The following DEDD2 variants were observed in gnomAD, a reference collection of about 807,000 sequenced individuals.
DEDD2 encodes DNA-binding death effector domain-containing protein 2.
In DEDD2, 18 loss-of-function variants were observed where a neutral mutation model predicts 28.9. The observed-to-expected ratio is 0.62, with a 90% CI of 0.43 to 0.92. DEDD2 has a LOEUF of 0.92. DEDD2 is among the 40% of genes least tolerant of loss of function. The pLI is 0.00. For missense variants in DEDD2, 411 were observed against 463.3 expected (o/e 0.89, Z 1.04); for synonymous variants, 211 against 206.1 (o/e 1.02, Z -0.20).
chr19:42,215,224 G>A lies in DEDD2; in HGVS notation c.357C>T (p.Thr119=). The A allele has an allele frequency of 1.2e-6, 2 of 1,613,652 alleles. No individual in the cohort carries two copies. Among genetic ancestry groups the A allele is most frequent in the African/African-American group, 1.3e-5 (1 of 75,010 alleles). Residue 119 remains threonine, a synonymous_variant, in exon 3 of 5, where the codon ACC becomes ACT. Coordinates refer to ENST00000596251, the MANE Select transcript of DEDD2 (RefSeq NM_133328.4). The stretch of plus-strand genomic sequence containing the variant: ...CCTCTGTCCTCTTTGAAGAGCTGGA[G>A]GTGCCATAGCTATAGCGTTCTGGAG... The part of the protein sequence containing the change: ...PVSPERYSYG[T]SSSSKRTEGS...
In DEDD2 at chr19:42,199,097, G is replaced by C; in HGVS notation, c.*341C>G. The C allele has an allele frequency of 3.1e-6, 1 of 319,246 alleles. No homozygotes were observed. Among genetic ancestry groups the C allele is most frequent in the South Asian group, 4.6e-5 (1 of 21,506 alleles). The allele number at this position is 319,246 out of a possible 1,614,324, so 19.8% of individuals were successfully genotyped here. A position where few individuals can be genotyped will look rare whatever the true frequency, so the allele number is the denominator to read the frequency against. ...TGAGCGAGTGTGTGCACCTGTGACA[G>C]TGCAGACAGCCCAAGATCAGAGATA... On this transcript the variant is annotated 3_prime_UTR_variant, in exon 5 of 5. Coordinates refer to ENST00000596251, the MANE Select transcript of DEDD2 (RefSeq NM_133328.4). The surrounding 1 kb of genome is among the most constrained non-coding windows in gnomAD (Gnocchi z 7.4).
Position 42,199,598 on chromosome 19 carries a change from G to A in DEDD2, c.821C>T (p.Ala274Val). ...GDYLSGALLQ[A>V]LRGVFLTEAL... ...CTCAGTCAGGAACACGCCCCGCAGG[G>A]CCTGCAGCAGGGCGCCACTCAGGTA... The change falls in exon 5 of 5, where the codon GCC (alanine) becomes GTC (valine). Residue 274 changes from alanine (A) to valine (V), a missense_variant. Ala to Val is a moderately conservative substitution (Grantham distance 64, BLOSUM62 0). This residue lies in a region of DEDD2 where 129 missense variants were observed against 189.9 expected (regional missense o/e 0.68). Transcript: ENST00000596251. This position sits in a 1 kb window ranked among gnomAD's most constrained non-coding sequence, Gnocchi z 7.4. The A allele has an allele frequency of 6.2e-7, 1 of 1,614,110 alleles. No homozygotes were observed. The highest frequency in any genetic ancestry group is 8.5e-7 in the Non-Finnish European group (1 of 1,179,984).
intron 2 of DEDD2, among the ~76,000 whole-genome samples, chr19:42,215,624 T>C (rs780439394): frequency 6.6e-5 from 10 of 152,262 alleles, no homozygotes; most frequent in East Asian, 5.8e-4. Context: ...TCTTCAGACA[T>C]AGATATCCAA....
Position 42,216,979 on chromosome 19 carries a change from G to A in DEDD2, c.29C>T (p.Pro10Leu), listed in dbSNP as rs777384697. MALSGSTPA[P>L]CWEEDECLDY... ...CAGGCACTCATCCTCCTCCCAGCACGGGGCCGGGGTCGACCCGGATAGCGC... is the reference window on the plus strand; with the variant it reads ...CAGGCACTCATCCTCCTCCCAGCACAGGGCCGGGGTCGACCCGGATAGCGC... Residue 10 changes from proline to leucine, a missense_variant, in exon 2 of 5, where the codon CCG becomes CTG. This residue lies in a region of DEDD2 where 282 missense variants were observed against 273.4 expected (regional missense o/e 1.03). Transcript: ENST00000596251. The A allele has an allele frequency of 1.3e-6, 2 of 1,597,614 alleles. No homozygotes were observed. Among genetic ancestry groups the A allele is most frequent in the East Asian group, 2.3e-5 (1 of 43,674 alleles).
At chr19:42,213,863 CCA>C (rs1452341126) in intron 3 of DEDD2, among the ~76,000 whole-genome samples, 1 of 152,098 alleles carries the variant, frequency 6.6e-6, no homozygotes, top group Non-Finnish European at 1.5e-5. Flanking sequence ...CTGAACGGTC[CCA>C]CAGTCTGGGG....
chr19:42,215,301 T>TA (rs779636914), intron 2 of DEDD2, 49 bp from the exon 3 acceptor site: 1 of 1,603,982 alleles, frequency 6.2e-7, no homozygotes, highest in South Asian at 1.1e-5. Flanking sequence ...CTGGCCCTAA[T>TA]TCCCACCCCT....
rs757478419 is a variant in DEDD2 at position 42,209,814 on chromosome 19, G to A, written c.475C>T (p.Arg159Trp). 48 of 1,555,252 alleles carry A rather than the reference G, an allele frequency of 3.1e-5. No homozygotes were observed. The highest frequency in any genetic ancestry group is 8.1e-5 in the Admixed American group (4 of 49,316). ...TGSPPTKRQR[R>W]SRGRPSGGAR... ...CCACCACTGGGCCGGCCCCGACTCC[G>A]CCGCTGCCGCTTGGTTGGGGGGGAG... is the stretch of plus-strand genomic sequence containing the variant. Residue 159 changes from arginine (R) to tryptophan (W), a missense_variant, in exon 4 of 5, where the codon CGG becomes TGG. This residue lies in a region of DEDD2 where 282 missense variants were observed against 273.4 expected (regional missense o/e 1.03). Coordinates refer to ENST00000596251, the MANE Select transcript of DEDD2 (RefSeq NM_133328.4).
At chr19:42,205,552 G>A (rs916262427) in intron 4 of DEDD2, among the ~76,000 whole-genome samples, 9 of 151,942 alleles carry the variant, frequency 5.9e-5, no homozygotes, top group South Asian at 4.2e-4. Context: ...GCTTCAACCC[G>A]GGAGGCAGAG....
intron 4 of DEDD2, among the ~76,000 whole-genome samples, chr19:42,208,975 C>T (rs1299027908): frequency 6.6e-6 from 1 of 152,200 alleles, no homozygotes; most frequent in East Asian, 1.9e-4. Context: ...CGGTGGCTCA[C>T]GCCTGTAATC....
chr19:42,217,429 G>A (rs1161299603), intron 1 of DEDD2, among the ~76,000 whole-genome samples: 1 of 152,120 alleles, frequency 6.6e-6, no homozygotes, highest in Non-Finnish European at 1.5e-5. Context: ...GAGTCCCCCG[G>A]CTCTACGCAA....
intron 4 of DEDD2, among the ~76,000 whole-genome samples, chr19:42,201,394 C>T (rs1235731684): frequency 7.9e-5 from 12 of 152,206 alleles, no homozygotes; most frequent in Admixed American, 7.9e-4. Context: ...AAAAAGAGAG[C>T]AATGGATAGA....
intron 2 of DEDD2, among the ~76,000 whole-genome samples, chr19:42,215,483 T>C (rs1298976806): frequency 6.6e-6 from 1 of 152,146 alleles, no homozygotes; most frequent in African/African-American, 2.4e-5. Flanking sequence ...ACTGTCAAGG[T>C]TATTCTGTTG....
intron 4 of DEDD2, among the ~76,000 whole-genome samples, chr19:42,200,558 T>C (rs1303837097): frequency 1.3e-5 from 2 of 152,220 alleles, no homozygotes; most frequent in Non-Finnish European, 2.9e-5. Context: ...GGCTTGCGGC[T>C]GGACCTGTGC....
In DEDD2 at chr19:42,199,579, C is replaced by G; in HGVS notation, c.840G>C (p.Leu280=). The change falls in exon 5 of 5, where the codon CTG becomes CTC. Residue 280 remains leucine (L), a synonymous_variant. Coordinates refer to ENST00000596251, the MANE Select transcript of DEDD2 (RefSeq NM_133328.4). The surrounding 1 kb of genome is among the most constrained non-coding windows in gnomAD (Gnocchi z 7.4). ...ALLQALRGVF[L]TEALREAVGR... ...CCACAGCCTCTCGCAGGGCCTCAGT[C>G]AGGAACACGCCCCGCAGGGCCTGCA... 1 of 1,614,096 alleles carries G rather than the reference C, an allele frequency of 6.2e-7. No individual in the cohort carries two copies. Among genetic ancestry groups the G allele is most frequent in the Non-Finnish European group, 8.5e-7 (1 of 1,179,980 alleles).
chr19:42,211,467 G>A (rs1041817076), intron 3 of DEDD2, among the ~76,000 whole-genome samples: 5 of 150,352 alleles, frequency 3.3e-5, no homozygotes, highest in Non-Finnish European at 7.4e-5. Flanking sequence ...AAGAGAGGGA[G>A]GGAGGAAGGG....
chr19:42,214,996 AAT>A (rs2146904990), intron 3 of DEDD2, 135 bp downstream of exon 3: 2 of 1,243,758 alleles, frequency 1.6e-6, no homozygotes, highest in East Asian at 5.0e-5. Flanking sequence ...TATCTGTAGC[AAT>A]AAACACACAC....
At chr19:42,218,351 C>A (rs970013009), upstream of DEDD2, among the ~76,000 whole-genome samples, 2 of 151,892 alleles carry the variant, frequency 1.3e-5, no homozygotes, top group Non-Finnish European at 2.9e-5. Context: ...TCCATTCCGA[C>A]TGTGTACATC....
chr19:42,215,232 A>G lies in DEDD2; in HGVS notation c.349T>C (p.Tyr117His). The change falls in exon 3 of 5, where the codon TAT (tyrosine) becomes CAT (histidine). Residue 117 changes from tyrosine (Y) to histidine (H), a missense_variant. Physicochemically the swap from Tyr to His is moderately conservative, Grantham distance 83. Coordinates refer to ENST00000596251, the MANE Select transcript of DEDD2 (RefSeq NM_133328.4). Reference protein sequence around the residue: ...RRPVSPERYSYGTSSSSKRTE... With the variant: ...RRPVSPERYSHGTSSSSKRTE... ...CTCTTTGAAGAGCTGGAGGTGCCAT[A>G]GCTATAGCGTTCTGGAGACACTGGA... 1 of 1,614,164 alleles carries G rather than the reference A, an allele frequency of 6.2e-7. No homozygotes were observed. The highest frequency in any genetic ancestry group is 1.3e-5 in the African/African-American group (1 of 75,044).
Position 42,198,602 on chromosome 19 carries a change from C to T in DEDD2, c.*836G>A, listed in dbSNP as rs2035198170. 1 of 152,190 alleles carries T rather than the reference C, an allele frequency of 6.6e-6. No homozygotes were observed. The highest frequency in any genetic ancestry group is 1.5e-5 in the Non-Finnish European group (1 of 68,038). 9.4% of individuals were successfully genotyped at this position (152,190 alleles called of 1,614,324 possible). ...AAAGAGTCCTAGAGAGGCCGATGCC[C>T]ACCTATGCCCTTTCCAGGGCAGTTT... is the stretch of plus-strand genomic sequence containing the variant. On this transcript the variant is annotated 3_prime_UTR_variant, in exon 5 of 5. Coordinates refer to ENST00000596251, the MANE Select transcript of DEDD2 (RefSeq NM_133328.4).
Sources: gnomAD v4.1 joint callset for allele counts (sites outside exome capture counted in the v4.1 genomes callset) on GRCh38, gnomAD v4.1.1 for gene constraint, gnomAD v4.1.1 regional missense constraint, Gnocchi (gnomAD v3.1) non-coding constraint, MANE v1.5 for transcripts, NCBI Gene and HGNC (gene_info 2026-07-23, HGNC 2026-07-21) for gene names.